CAMTA2: variants seen among roughly 807,000 people sequenced by gnomAD.
The protein encoded by CAMTA2 is calmodulin-binding transcription activator 2.
CAMTA2 carries 56 observed loss-of-function variants against 135.7 expected under a neutral mutation model. The observed-to-expected ratio is 0.41, with a 90% CI of 0.33 to 0.52. The LOEUF (loss-of-function observed/expected upper bound fraction) is 0.52. Among genes scored for constraint, CAMTA2 ranks in the 20% least tolerant of loss-of-function variants. CAMTA2 has a pLI of 0.16. For missense variants in CAMTA2, 1,358 were observed against 1,553.4 expected (o/e 0.87, Z 2.11); for synonymous variants, 591 against 604.6 (o/e 0.98, Z 0.33).
chr17:4,971,548 T>A (rs1449888398), intron 16 of CAMTA2, among the ~76,000 whole-genome samples: 3 of 152,192 alleles, frequency 2.0e-5, no homozygotes, highest in Non-Finnish European at 4.4e-5. Flanking sequence ...TCTTGTTATG[T>A]TGGCCAGACT....
At chr17:4,977,575 C>G (rs4341797) in intron 10 of CAMTA2, among the ~76,000 whole-genome samples, 1 of 152,258 alleles carries the variant, frequency 6.6e-6, no homozygotes, top group African/African-American at 2.4e-5. Context: ...GAGCTAGCCG[C>G]TCATGAACAG....
rs1434304519 is a variant in CAMTA2 at position 4,981,234 on chromosome 17, C to A, written c.691G>T (p.Gly231Trp). The A allele has an allele frequency of 2.5e-6, 4 of 1,613,682 alleles. No homozygotes were observed. In the South Asian group the frequency reaches 3.3e-5, roughly 13 times the overall value. Residue 231 changes from glycine (G) to tryptophan (W), a missense_variant, in exon 8 of 23, where the codon GGG (glycine) becomes TGG (tryptophan). By Grantham distance (184) the Gly-to-Trp change is radical. Coordinates refer to ENST00000348066, the MANE Select transcript of CAMTA2 (RefSeq NM_015099.4). Reference sequence around the variant, plus strand: ...TCAGGGAGTAACTTACCAAGCCCCCCACTGCAGAGACAGGCGTGGGTTCGG... The same window carrying A: ...TCAGGGAGTAACTTACCAAGCCCCCAACTGCAGAGACAGGCGTGGGTTCGG... ...APRTHACLCS[G>W]GLGSGSLTHK...
chr17:4,985,173 C>G (rs559429177), intron 3 of CAMTA2, among the ~76,000 whole-genome samples: 1 of 151,954 alleles, frequency 6.6e-6, no homozygotes, highest in Non-Finnish European at 1.5e-5. Context: ...GCAACAAGAG[C>G]GAGACTCCGT....
intron 11 of CAMTA2, among the ~76,000 whole-genome samples, chr17:4,975,688 A>G (rs1375495900): frequency 6.6e-6 from 1 of 152,196 alleles, no homozygotes; most frequent in Admixed American, 6.5e-5. Flanking sequence ...AGAGCTCCGG[A>G]GAGAGAGAAG....
At chr17:4,985,841 G>A in intron 3 of CAMTA2, 39 bp downstream of exon 3, 1 of 1,329,744 alleles carries the variant, frequency 7.5e-7, no homozygotes, top group Non-Finnish European at 1.1e-6. Flanking sequence ...CAGCCTACTA[G>A]GTCTTGCTGG....
At chr17:4,981,409 A>G (rs755964155) in intron 7 of CAMTA2, 50 bp from the exon 8 acceptor site, 9 of 1,600,844 alleles carry the variant, frequency 5.6e-6, no homozygotes, top group Middle Eastern at 1.7e-4. Context: ...AACAGGCCCC[A>G]GAGTACCTTG....
At chr17:4,976,431 G>A in intron 11 of CAMTA2, among the ~76,000 whole-genome samples, 1 of 152,180 alleles carries the variant, frequency 6.6e-6, no homozygotes, top group Non-Finnish European at 1.5e-5. Flanking sequence ...GGGTGTGGTG[G>A]CTCACGCCTG....
At chr17:4,977,017 C>T in intron 11 of CAMTA2, 41 bp downstream of exon 11, 1 of 1,609,580 alleles carries the variant, frequency 6.2e-7, no homozygotes, top group Non-Finnish European at 8.5e-7. Context: ...TGCTTAAAGG[C>T]TGTGGGCTGG....
intron 1 of CAMTA2, 80 bp downstream of exon 1, chr17:4,987,513 G>C: frequency 1.4e-6 from 2 of 1,428,786 alleles, no homozygotes; most frequent in Admixed American, 5.1e-5. Flanking sequence ...TCCCTGGCGC[G>C]GCGCTCCGCG....
chr17:4,969,744 G>A lies in CAMTA2; in HGVS notation c.3190-43C>T, dbSNP rs756152850. ...TCACCACCTCATGACCCACATAATG[G>A]CATATCTGACTTGTCCCTTCAACTT... On this transcript the variant is annotated intron_variant, in intron 18 of 22. Coordinates refer to ENST00000348066, the MANE Select transcript of CAMTA2 (RefSeq NM_015099.4). The surrounding 1 kb of genome is among the most constrained non-coding windows in gnomAD (Gnocchi z 5.6). The A allele has an allele frequency of 6.2e-7, 1 of 1,610,088 alleles. No individual in the cohort carries two copies. The highest frequency in any genetic ancestry group is 8.5e-7 in the Non-Finnish European group (1 of 1,176,830).
At chr17:4,983,447 T>C (rs1166583355) in intron 3 of CAMTA2, among the ~76,000 whole-genome samples, 1 of 151,012 alleles carries the variant, frequency 6.6e-6, no homozygotes, top group Non-Finnish European at 1.5e-5. Flanking sequence ...CATGCCCGGG[T>C]AATTTTGTAT....
intron 11 of CAMTA2, among the ~76,000 whole-genome samples, chr17:4,975,701 A>G (rs1041545822): frequency 5.9e-5 from 9 of 152,204 alleles, no homozygotes; most frequent in Admixed American, 2.0e-4. Context: ...GAGAGAAGTA[A>G]GGACAGAGGG....
At chr17:4,973,379 A>G (rs1321204477) in intron 13 of CAMTA2, 126 bp from the exon 14 acceptor site, 2 of 900,974 alleles carry the variant, frequency 2.2e-6, no homozygotes, top group Admixed American at 1.9e-5. Flanking sequence ...AGTCAAGGAC[A>G]CTAGCTTAAG....
intron 3 of CAMTA2, among the ~76,000 whole-genome samples, chr17:4,985,126 C>T (rs1021978841): frequency 1.3e-5 from 2 of 151,908 alleles, no homozygotes; most frequent in Non-Finnish European, 2.9e-5. Flanking sequence ...GCGGGGGTTG[C>T]AGTGAGCCAA....
At position 4,979,773 on chromosome 17, in the gene CAMTA2, C is replaced by T. The variant is rs1007202099; in HGVS notation, c.1549G>A (p.Glu517Lys). The change falls in exon 9 of 23, where the codon GAA becomes AAA. Residue 517 changes from glutamate (E) to lysine (K), a missense_variant. Transcript: ENST00000348066. Reference sequence around the variant, plus strand: ...GTCGGAGCAGGGATGCTTGGAGCTTCGTCACTGATGAGTTCTCCCATAAGG... The same window carrying T: ...GTCGGAGCAGGGATGCTTGGAGCTTTGTCACTGATGAGTTCTCCCATAAGG... ...PDLMGELISD[E>K]APSIPAPTPQ... The T allele has an allele frequency of 1.5e-5, 25 of 1,613,966 alleles. No individual in the cohort carries two copies. The highest frequency in any genetic ancestry group is 1.9e-5 in the Non-Finnish European group (23 of 1,180,028).
intron 2 of CAMTA2, 55 bp downstream of exon 2, chr17:4,986,137 G>A: frequency 8.5e-7 from 1 of 1,171,848 alleles, no homozygotes; most frequent in Non-Finnish European, 1.3e-6. Flanking sequence ...GGCCACTAAA[G>A]CGTGGGGAGA....
At chr17:4,978,067 G>A (rs910968392) in intron 10 of CAMTA2, among the ~76,000 whole-genome samples, 8 of 152,240 alleles carry the variant, frequency 5.3e-5, no homozygotes, top group African/African-American at 1.9e-4. Flanking sequence ...GGACAGCACA[G>A]TTCTAAAAGC....
At position 4,970,496 on chromosome 17, in the gene CAMTA2, G is replaced by GTTC; in HGVS notation, c.2848_2849insGAA (p.Ala949_Thr950insArg). 6.2e-7 allele frequency: 1 copy of GTTC among 1,613,586 alleles called. No individual in the cohort carries two copies. Among genetic ancestry groups the GTTC allele is most frequent in the Admixed American group, 1.7e-5 (1 of 60,038 alleles). ...GTCCTCTCGTTTAATCCGCTCCGGT[G>GTTC]TGGCTTCGATGATCTGCTTGGCTAG... On this transcript the variant is annotated inframe_insertion, in exon 17 of 23. Transcript: ENST00000348066.
intron 11 of CAMTA2, among the ~76,000 whole-genome samples, chr17:4,976,203 A>C (rs2151177117): frequency 6.6e-6 from 1 of 151,928 alleles, no homozygotes; most frequent in African/African-American, 2.4e-5. Context: ...ACAGGGTTTC[A>C]CCATATTTGC....
Sources: allele counts gnomAD v4.1 joint callset (sites outside exome capture counted in the v4.1 genomes callset), GRCh38; gene constraint gnomAD v4.1.1; non-coding constraint Gnocchi (gnomAD v3.1); transcripts MANE v1.5; gene names NCBI Gene and HGNC (gene_info 2026-07-23, HGNC 2026-07-21).